The following KSR2 variants were observed in gnomAD, a reference collection of about 807,000 sequenced individuals.
The protein encoded by KSR2 is kinase suppressor of ras 2.
A neutral mutation model predicts 107.8 loss-of-function variants in KSR2; 25 were observed. That is an observed-to-expected ratio of 0.23 (90% CI 0.17 to 0.32). The LOEUF is 0.32. Among genes scored for constraint, KSR2 ranks in the 10% least tolerant of loss-of-function variants. KSR2 has a pLI of 1.00. For synonymous variants in KSR2, 480 were observed against 507.0 expected, an observed-to-expected ratio of 0.95 and a Z score of 0.71; for missense variants, 887 against 1,268.9, an observed-to-expected ratio of 0.70 and a Z score of 4.57.
At chr12:117,869,845 T>C (rs1054086343) in intron 1 of KSR2, among the ~76,000 whole-genome samples, 16 of 152,210 alleles carry the variant, frequency 1.1e-4, no homozygotes, top group African/African-American at 3.9e-4. Context: ...ACAGCTGCCA[T>C]GTACTAAACA....
chr12:117,663,766 G>T (rs1408287193), intron 5 of KSR2, among the ~76,000 whole-genome samples: 1 of 152,132 alleles, frequency 6.6e-6, no homozygotes, highest in Non-Finnish European at 1.5e-5. Context: ...CTCTTTCATT[G>T]TGAAGTAGCC....
chr12:117,587,157 C>T (rs541162316), intron 5 of KSR2, among the ~76,000 whole-genome samples: 1 of 152,280 alleles, frequency 6.6e-6, no homozygotes, highest in South Asian at 2.1e-4. Context: ...TCCTCTCCCA[C>T]CCAAAAGATG....
intron 5 of KSR2, among the ~76,000 whole-genome samples, chr12:117,635,747 T>C (rs1338024239): frequency 6.6e-6 from 1 of 151,950 alleles, no homozygotes. Flanking sequence ...ACCTCTTACA[T>C]AACCACAATA....
At chr12:117,963,382 T>C (rs1896711960) in intron 1 of KSR2, among the ~76,000 whole-genome samples, 1 of 152,086 alleles carries the variant, frequency 6.6e-6, no homozygotes. Flanking sequence ...GGCGAATCAC[T>C]TGAGCCCAGG....
At chr12:117,692,413 A>G (rs2136576955) in intron 4 of KSR2, among the ~76,000 whole-genome samples, 2 of 145,732 alleles carry the variant, frequency 1.4e-5, no homozygotes, top group South Asian at 4.5e-4. Flanking sequence ...TCAAAAAATT[A>G]AAGATAGAAT....
intron 3 of KSR2, among the ~76,000 whole-genome samples, chr12:117,831,405 C>T (rs1593279557): frequency 6.6e-6 from 1 of 152,292 alleles, no homozygotes; most frequent in Non-Finnish European, 1.5e-5. Flanking sequence ...CTCTTTGAGA[C>T]CTGAACCACG....
intron 9 of KSR2, among the ~76,000 whole-genome samples, chr12:117,541,035 G>A (rs560605143): frequency 4.6e-5 from 7 of 152,178 alleles, no homozygotes; most frequent in Non-Finnish European, 8.8e-5. Flanking sequence ...CTGTAAAATG[G>A]GAGTAATGAT....
intron 7 of KSR2, among the ~76,000 whole-genome samples, chr12:117,561,737 C>T (rs188611163): frequency 6.2e-4 from 95 of 152,304 alleles, no homozygotes; most frequent in Non-Finnish European, 1.1e-3. Context: ...CAAGGATAAT[C>T]AAAATCCCAA....
intron 4 of KSR2, among the ~76,000 whole-genome samples, chr12:117,738,673 G>A (rs1213263154): frequency 2.6e-5 from 4 of 152,066 alleles, no homozygotes; most frequent in Admixed American, 6.5e-5. Context: ...TCAGGAGTTC[G>A]AGACCAGCCT....
chr12:117,456,123 G>A lies in KSR2; in HGVS notation c.*11076C>T, dbSNP rs1459337517. On this transcript the variant is annotated 3_prime_UTR_variant, in exon 20 of 20. Coordinates refer to ENST00000339824, the MANE Select transcript of KSR2 (RefSeq NM_173598.6). ...AGGTTAGGACCGCAGAGGCCCTCAG[G>A]AGGAGATAGACTTCCGAAAAGAAGG... 1 of 152,280 alleles carries A rather than the reference G, an allele frequency of 6.6e-6. No individual in the cohort carries two copies. Among genetic ancestry groups the A allele is most frequent in the Middle Eastern group, 3.1e-3 (1 of 318 alleles). The allele number at this position is 152,280 out of a possible 1,614,324, so 9.4% of individuals were successfully genotyped here. A position where few individuals can be genotyped will look rare whatever the true frequency, so the allele number is the denominator to read the frequency against.
intron 5 of KSR2, among the ~76,000 whole-genome samples, chr12:117,658,978 A>G (rs1305695022): frequency 6.6e-6 from 1 of 152,168 alleles, no homozygotes; most frequent in Non-Finnish European, 1.5e-5. Context: ...ATGGGGATGC[A>G]GGGGCACTGA....
intron 5 of KSR2, among the ~76,000 whole-genome samples, chr12:117,644,352 A>G (rs149163601): frequency 2.4e-4 from 36 of 152,300 alleles, no homozygotes; most frequent in Middle Eastern, 3.4e-3. Context: ...CAGCATCTAC[A>G]TGGAAGTCAT....
intron 4 of KSR2, among the ~76,000 whole-genome samples, chr12:117,731,420 GGGCA>G (rs1356791859): frequency 3.7e-5 from 5 of 135,278 alleles, no homozygotes; most frequent in Non-Finnish European, 1.6e-5. Context: ...GGGAGGTGGG[GGGCA>G]GCCCCCGCCC....
chr12:117,919,636 C>T (rs1895283829), intron 1 of KSR2, among the ~76,000 whole-genome samples: 1 of 152,226 alleles, frequency 6.6e-6, no homozygotes, highest in Non-Finnish European at 1.5e-5. Context: ...AATTATACTT[C>T]CCCATACCCT....
chr12:117,586,579 C>T lies in KSR2; in HGVS notation c.1172-4220G>A, dbSNP rs540723339. Among the ~76,000 whole-genome samples the T allele has an allele frequency of 6.3e-5, 7 of 110,654 alleles. No homozygotes were observed. In the South Asian group the frequency reaches 8.4e-4, roughly 13 times the overall value. The allele number at this position is 110,654 out of a possible 152,430, so 72.6% of individuals were successfully genotyped here. A position where few individuals can be genotyped will look rare whatever the true frequency, so the allele number is the denominator to read the frequency against. ...TCCAGCCTGGGCAACAAGAGCCAAACTCCGAAAAAAAAAAAAAGAAGAAGA... is the reference window on the plus strand; with the variant it reads ...TCCAGCCTGGGCAACAAGAGCCAAATTCCGAAAAAAAAAAAAAGAAGAAGA... On this transcript the variant is annotated intron_variant, in intron 5 of 19. Transcript: ENST00000339824.
chr12:117,482,877 C>T (rs1872253061), intron 16 of KSR2, among the ~76,000 whole-genome samples: 1 of 152,170 alleles, frequency 6.6e-6, no homozygotes, highest in South Asian at 2.1e-4. Flanking sequence ...TTAGAGAAAA[C>T]TCTTACTGGG....
At chr12:117,780,245 C>T (rs1372514487) in intron 3 of KSR2, among the ~76,000 whole-genome samples, 2 of 152,184 alleles carry the variant, frequency 1.3e-5, no homozygotes, top group Non-Finnish European at 2.9e-5. Flanking sequence ...GGGACTTAAA[C>T]AGATATTTAT....
intron 4 of KSR2, among the ~76,000 whole-genome samples, chr12:117,736,194 C>T (rs1434738776): frequency 1.3e-5 from 2 of 152,190 alleles, no homozygotes; most frequent in African/African-American, 2.4e-5. Context: ...AAAATGTCCC[C>T]CAGGTCATTT....
chr12:117,727,056 G>A (rs1887457964), intron 4 of KSR2, among the ~76,000 whole-genome samples: 1 of 152,056 alleles, frequency 6.6e-6, no homozygotes, highest in South Asian at 2.1e-4. Flanking sequence ...ATTAGGATGA[G>A]CTCTAAATCT....
Sources: gnomAD v4.1 joint callset for allele counts (sites outside exome capture counted in the v4.1 genomes callset) on GRCh38, gnomAD v4.1.1 for gene constraint, MANE v1.5 for transcripts, NCBI Gene and HGNC (gene_info 2026-07-23, HGNC 2026-07-21) for gene names.